ANKRD45: variants seen among roughly 807,000 people sequenced by gnomAD.
ANKRD45 encodes the protein ankyrin repeat domain 45, also known as ankyrin repeat domain-containing protein 45.
Under a neutral mutation model 28.1 loss-of-function variants are expected in ANKRD45, and 21 were observed. The observed-to-expected ratio is 0.75, with a 90% CI of 0.53 to 1.08. The LOEUF (loss-of-function observed/expected upper bound fraction) is 1.08, where lower values mean the gene tolerates loss of function less well. Among genes scored for constraint, ANKRD45 ranks in the 50% least tolerant of loss-of-function variants. The probability of loss-of-function intolerance (pLI) is 0.00; values close to 1 mark genes in which losing one functional copy is unlikely to be tolerated. For synonymous variants in ANKRD45, 86 were observed against 103.9 expected, an observed-to-expected ratio of 0.83 and a Z score of 1.05; for missense variants, 261 against 308.7, an observed-to-expected ratio of 0.85 and a Z score of 1.16.
At chr1:173,647,054 A>G (rs916260648) in intron 2 of ANKRD45, 41 bp from the exon 3 acceptor site, 3 of 1,581,952 alleles carry the variant, frequency 1.9e-6, no homozygotes, top group Admixed American at 1.7e-5. Context: ...AACAGACTAC[A>G]TTGTTTTAGG....
chr1:173,643,145 C>A lies in ANKRD45; in HGVS notation c.496+3701G>T, dbSNP rs2102353446. On this transcript the variant is annotated intron_variant, in intron 3 of 5. Coordinates refer to ENST00000333279, the MANE Select transcript of ANKRD45 (RefSeq NM_198493.3). Reference sequence around the variant, plus strand: ...TCAATACATCTCTGATAAATAATATCTGTGACTTGTCTTATTTGCCTGAGA... The same window carrying A: ...TCAATACATCTCTGATAAATAATATATGTGACTTGTCTTATTTGCCTGAGA... 2.0e-5 allele frequency among the ~76,000 whole-genome samples: 3 copies of A among 149,800 alleles called. No individual in the cohort carries two copies. In the Middle Eastern group the frequency reaches 0.011, roughly 527 times the overall value.
At chr1:173,623,159 A>C (rs1367554472) in intron 5 of ANKRD45, among the ~76,000 whole-genome samples, 1 of 151,994 alleles carries the variant, frequency 6.6e-6, no homozygotes, top group African/African-American at 2.4e-5. Context: ...ACAAAAAAAT[A>C]TAAAAATTAG....
the ANKRD45 span, among the ~76,000 whole-genome samples, chr1:173,702,573 G>C: frequency 6.6e-6 from 1 of 152,034 alleles, no homozygotes; most frequent in Non-Finnish European, 1.5e-5. Flanking sequence ...GGTGAATGTG[G>C]CAACATAGAA....
At chr1:173,709,619 C>G in the ANKRD45 span, among the ~76,000 whole-genome samples, 1 of 151,916 alleles carries the variant, frequency 6.6e-6, no homozygotes, top group East Asian at 1.9e-4. Context: ...ATCTGGGCAC[C>G]CTACTAGATG....
At chr1:173,687,830 C>G in the ANKRD45 span, among the ~76,000 whole-genome samples, 3 of 152,068 alleles carry the variant, frequency 2.0e-5, no homozygotes, top group Admixed American at 1.3e-4. Context: ...CCGATTGTGT[C>G]TTCTTCCCTC....
At chr1:173,626,353 A>C (rs1667937235) in intron 4 of ANKRD45, among the ~76,000 whole-genome samples, 2 of 152,214 alleles carry the variant, frequency 1.3e-5, no homozygotes, top group South Asian at 4.1e-4. Flanking sequence ...GAATGCTTAG[A>C]TCTAGTACTT....
chr1:173,630,843 AAAGAG>A (rs1668161327), intron 3 of ANKRD45, among the ~76,000 whole-genome samples: 1 of 137,572 alleles, frequency 7.3e-6, no homozygotes, highest in Non-Finnish European at 1.7e-5. Flanking sequence ...AAAAAAAAAA[AAAGAG>A]AGAGAGACAC....
chr1:173,643,469 G>A (rs1668792734), intron 3 of ANKRD45, among the ~76,000 whole-genome samples: 1 of 151,852 alleles, frequency 6.6e-6, no homozygotes, highest in Admixed American at 6.6e-5. Flanking sequence ...CTGCACCCAG[G>A]CTTCCTGAGA....
the ANKRD45 span, among the ~76,000 whole-genome samples, chr1:173,691,281 C>T: frequency 6.6e-6 from 1 of 152,090 alleles, no homozygotes; most frequent in East Asian, 1.9e-4. Context: ...TCAGGTTATT[C>T]CTCGCACTGG....
At chr1:173,635,438 G>A (rs923217768) in intron 3 of ANKRD45, 1 of 1,017,064 alleles carries the variant, frequency 9.8e-7, no homozygotes, top group Non-Finnish European at 1.4e-6. Flanking sequence ...AGGGAATTTA[G>A]TTATTTTATT....
intron 3 of ANKRD45, among the ~76,000 whole-genome samples, chr1:173,639,083 C>T (rs1668592024): frequency 6.6e-6 from 1 of 152,170 alleles, no homozygotes; most frequent in Non-Finnish European, 1.5e-5. Context: ...TGCACTCAAC[C>T]AAGCTTTGAA....
At chr1:173,610,855 A>G (rs182987480) in intron 5 of ANKRD45, among the ~76,000 whole-genome samples, 1 of 152,180 alleles carries the variant, frequency 6.6e-6, no homozygotes, top group Admixed American at 6.5e-5. Context: ...ATAAAAAATA[A>G]TTCAGGTCTT....
At chr1:173,696,978 T>C in the ANKRD45 span, among the ~76,000 whole-genome samples, 1 of 152,132 alleles carries the variant, frequency 6.6e-6, no homozygotes, top group Non-Finnish European at 1.5e-5. Context: ...TTAAATGACC[T>C]GATAGAGCTG....
At chr1:173,615,310 G>A (rs867863875) in intron 5 of ANKRD45, among the ~76,000 whole-genome samples, 1 of 150,510 alleles carries the variant, frequency 6.6e-6, no homozygotes. Context: ...GCTTGAACCA[G>A]GGAGTCAGAA....
chr1:173,712,007 C>T, the ANKRD45 span, among the ~76,000 whole-genome samples: 2 of 152,160 alleles, frequency 1.3e-5, no homozygotes, highest in Admixed American at 6.5e-5. Context: ...CATATAGTAA[C>T]ATTTTCATAC....
chr1:173,650,904 G>T (rs1354072362), intron 2 of ANKRD45, among the ~76,000 whole-genome samples: 7 of 152,190 alleles, frequency 4.6e-5, no homozygotes, highest in Non-Finnish European at 7.3e-5. Context: ...CTTTTCAGAA[G>T]TGTCTGTTCA....
chr1:173,673,132 A>G (rs1239723282), upstream of ANKRD45, among the ~76,000 whole-genome samples: 9 of 141,966 alleles, frequency 6.3e-5, no homozygotes, highest in Non-Finnish European at 1.2e-4. Flanking sequence ...TTTTTTTGAG[A>G]TGGAGTCTTC....
At chr1:173,688,567 T>C in the ANKRD45 span, among the ~76,000 whole-genome samples, 2 of 143,884 alleles carry the variant, frequency 1.4e-5, no homozygotes, top group African/African-American at 2.5e-5. Context: ...TCTTCCTCTC[T>C]CTCTCTCTGC....
intron 2 of ANKRD45, among the ~76,000 whole-genome samples, chr1:173,654,948 A>C (rs918509151): frequency 5.9e-5 from 9 of 152,166 alleles, no homozygotes; most frequent in African/African-American, 2.2e-4. Flanking sequence ...CAGCTCCATC[A>C]GGTCATTTAA....
Sources: gnomAD v4.1 joint callset for allele counts (sites outside exome capture counted in the v4.1 genomes callset) on GRCh38, gnomAD v4.1.1 for gene constraint, MANE v1.5 for transcripts, NCBI Gene and HGNC (gene_info 2026-07-23, HGNC 2026-07-21) for gene names.